Variants in TENM4 observed in about 807,000 individuals in gnomAD.
The protein encoded by TENM4 is teneurin transmembrane protein 4.
TENM4 carries 82 observed loss-of-function variants against 243.3 expected under a neutral mutation model. The ratio of observed to expected loss-of-function variants is 0.34; its 90% CI spans 0.28 to 0.40. The LOEUF (loss-of-function observed/expected upper bound fraction) is 0.40. TENM4 is among the 10% of genes least tolerant of loss of function. TENM4 has a pLI of 1.00. For missense variants in TENM4, 3,138 were observed against 3,673.3 expected, an observed-to-expected ratio of 0.85 and a Z score of 3.77; for synonymous variants, 1,412 against 1,456.3, an observed-to-expected ratio of 0.97 and a Z score of 0.69.
intron 15 of TENM4, among the ~76,000 whole-genome samples, chr11:78,803,250 G>C (rs986225378): frequency 6.6e-6 from 1 of 152,012 alleles, no homozygotes; most frequent in Non-Finnish European, 1.5e-5. Flanking sequence ...GGCTGGTCTT[G>C]AACTCCTTGA....
intron 5 of TENM4, 30 bp from the exon 6 acceptor site, chr11:79,065,037 G>C: frequency 6.9e-7 from 1 of 1,451,384 alleles, no homozygotes. Context: ...AACTTGGTTA[G>C]GGCACTGAGA....
intron 6 of TENM4, among the ~76,000 whole-genome samples, chr11:78,971,649 T>C (rs143717368): frequency 3.9e-5 from 6 of 152,312 alleles, no homozygotes; most frequent in African/African-American, 1.2e-4. Context: ...TAATTTAGTA[T>C]AAACTGATTT....
chr11:78,815,556 G>T (rs7926709), intron 12 of TENM4, among the ~76,000 whole-genome samples: 44,925 of 152,032 alleles, frequency 0.3, 7,869 homozygotes, highest in Non-Finnish European at 0.41. Flanking sequence ...ATTTCAGAAA[G>T]ATTTTAATCA....
chr11:79,056,527 T>G (rs1859948219), intron 6 of TENM4, among the ~76,000 whole-genome samples: 1 of 152,032 alleles, frequency 6.6e-6, no homozygotes, highest in Non-Finnish European at 1.5e-5. Flanking sequence ...CCAGCCAATT[T>G]CGTGCTATGC....
rs75015932 is a variant in TENM4, at chr11:78,932,048, C to T, written c.494-28525G>A. Among the ~76,000 whole-genome samples, 1,184 of 152,226 alleles carry T rather than the reference C, an allele frequency of 7.8e-3. 11 individuals are homozygous for T. Among genetic ancestry groups the T allele is most frequent in the African/African-American group, 0.027 (1,137 of 41,522 alleles). On this transcript the variant is annotated intron_variant, in intron 6 of 33. Transcript: ENST00000278550. Reference sequence around the variant, plus strand: ...ACTTCATAGGGTTATGGAAGGATTTCGCAGGCTTGGAAAGCACTTAATAGG... The same window carrying T: ...ACTTCATAGGGTTATGGAAGGATTTTGCAGGCTTGGAAAGCACTTAATAGG...
intron 17 of TENM4, among the ~76,000 whole-genome samples, chr11:78,772,019 T>A (rs1325475851): frequency 1.3e-5 from 2 of 152,074 alleles, no homozygotes; most frequent in Admixed American, 6.5e-5. Context: ...AGGCAAAAAA[T>A]TTAACTGCTA....
chr11:78,877,458 T>G (rs902172949), intron 9 of TENM4, among the ~76,000 whole-genome samples: 2 of 152,270 alleles, frequency 1.3e-5, no homozygotes, highest in Admixed American at 6.5e-5. Context: ...TTAAATTATG[T>G]TATTTCACAG....
intron 15 of TENM4, among the ~76,000 whole-genome samples, chr11:78,792,900 T>A (rs1196686817): frequency 1.3e-5 from 2 of 152,184 alleles, no homozygotes; most frequent in Admixed American, 6.5e-5. Flanking sequence ...TTCATGCTAA[T>A]GCCCAAGTCA....
At chr11:78,815,850 T>TA (rs1474623001) in intron 12 of TENM4, among the ~76,000 whole-genome samples, 22 of 152,316 alleles carry the variant, frequency 1.4e-4, no homozygotes, top group South Asian at 8.3e-4. Flanking sequence ...AGGCCACAGA[T>TA]ACTAAATCAA....
At chr11:79,267,953 A>T (rs944144607) in intron 2 of TENM4, among the ~76,000 whole-genome samples, 9 of 152,234 alleles carry the variant, frequency 5.9e-5, no homozygotes, top group Non-Finnish European at 1.3e-4. Context: ...CCAAAATGGA[A>T]GATCCTTTCT....
Position 79,422,409 on chromosome 11 carries a change from C to A in TENM4, c.-321+18100G>T, listed in dbSNP as rs571468142. The stretch of plus-strand genomic sequence containing the variant: ...TGTGTGGTCTTGGGCAATTTACTTA[C>A]CATCTCTTTTTGTAACATGGAGACT... On this transcript the variant is annotated intron_variant, in intron 1 of 33. Transcript: ENST00000278550. Among the ~76,000 whole-genome samples, 8 of 152,168 alleles carry A rather than the reference C, an allele frequency of 5.3e-5. No individual in the cohort carries two copies. The South Asian group carries it at 1.0e-3, about 20-fold the overall frequency.
At position 78,814,427 on chromosome 11, in the gene TENM4, A is replaced by G. The variant is rs75163343; in HGVS notation, c.1682-32T>C. 2.4e-4 allele frequency: 361 copies of G among 1,533,212 alleles called. 2 individuals are homozygous for G. In the East Asian group the frequency reaches 8.9e-3, roughly 38 times the overall value. The allele number at this position is 1,533,212 out of a possible 1,614,324, so 95.0% of individuals were successfully genotyped here. On this transcript the variant is annotated intron_variant, in intron 12 of 33. Coordinates refer to ENST00000278550, the MANE Select transcript of TENM4 (RefSeq NM_001098816.3). ...AGAGAAAGGAGAAGGAGAGTTGAAA[A>G]CAAATTTCCTTACCCAAACAGAGAG...
chr11:79,084,941 G>T (rs182725320), intron 4 of TENM4, among the ~76,000 whole-genome samples: 1 of 152,294 alleles, frequency 6.6e-6, no homozygotes, highest in Admixed American at 6.5e-5. Context: ...TCCTGCTTGT[G>T]TTATCTGTTC....
chr11:79,356,359 T>G (rs993536164), intron 1 of TENM4, among the ~76,000 whole-genome samples: 6 of 152,220 alleles, frequency 3.9e-5, no homozygotes, highest in African/African-American at 9.6e-5. Context: ...ATCTGCCTCC[T>G]GGCTGGCTGT....
chr11:79,272,534 G>A (rs1855985668), intron 2 of TENM4, among the ~76,000 whole-genome samples: 1 of 151,938 alleles, frequency 6.6e-6, no homozygotes, highest in Non-Finnish European at 1.5e-5. Flanking sequence ...TATATCTATG[G>A]TACATATTAA....
At chr11:79,218,273 A>T (rs1454981722) in intron 2 of TENM4, among the ~76,000 whole-genome samples, 1 of 112,388 alleles carries the variant, frequency 8.9e-6, no homozygotes, top group African/African-American at 3.5e-5. Flanking sequence ...CAAGTTCCAA[A>T]GACAGCAGGA....
chr11:79,103,766 C>A (rs1861293015), intron 4 of TENM4, among the ~76,000 whole-genome samples: 1 of 152,126 alleles, frequency 6.6e-6, no homozygotes, highest in African/African-American at 2.4e-5. Flanking sequence ...GGGAGATGCC[C>A]CTTCTAGAGA....
At chr11:79,147,510 T>C (rs994161771) in intron 4 of TENM4, among the ~76,000 whole-genome samples, 3 of 152,114 alleles carry the variant, frequency 2.0e-5, no homozygotes, top group Non-Finnish European at 4.4e-5. Flanking sequence ...GTTGGGCTTA[T>C]GTTTGCATGA....
chr11:78,960,889 G>T (rs1857305967), intron 6 of TENM4, among the ~76,000 whole-genome samples: 1 of 152,216 alleles, frequency 6.6e-6, no homozygotes, highest in African/African-American at 2.4e-5. Context: ...CCTAGAGGCA[G>T]GTGGAGGGGA....
Sources: allele counts gnomAD v4.1 joint callset (sites outside exome capture counted in the v4.1 genomes callset), GRCh38; gene constraint gnomAD v4.1.1; transcripts MANE v1.5; gene names NCBI Gene and HGNC (gene_info 2026-07-23, HGNC 2026-07-21).